The following TBC1D24 variants were observed in gnomAD, a reference collection of about 807,000 sequenced individuals.
TBC1D24 encodes Infantile myoclonic epilepsy.
In TBC1D24, 47 loss-of-function variants were observed where a neutral mutation model predicts 50.7. The observed-to-expected ratio is 0.93, with a 90% CI of 0.73 to 1.18. TBC1D24 has a LOEUF of 1.18. Ranked by LOEUF, TBC1D24 falls within the 50% of genes most tolerant of loss-of-function variation. The pLI is 0.00. For missense variants in TBC1D24, 688 were observed against 766.5 expected (o/e 0.90, Z 1.21); for synonymous variants, 324 against 335.2 (o/e 0.97, Z 0.36).
In TBC1D24 at chr16:2,486,332, C is replaced by T. The variant is rs575113931; in HGVS notation, c.-115-9702C>T. Among the ~76,000 whole-genome samples, 4 of 152,346 alleles carry T rather than the reference C, an allele frequency of 2.6e-5. No homozygotes were observed. In the South Asian group the frequency reaches 8.3e-4, roughly 32 times the overall value. On this transcript the variant is annotated intron_variant, in intron 1 of 7. Coordinates refer to ENST00000646147, the MANE Select transcript of TBC1D24 (RefSeq NM_001199107.2). The surrounding 1 kb of genome is among the most constrained non-coding windows in gnomAD (Gnocchi z 5.8). ...TTTCCTCTTCCTCTTCATTCCCGGT[C>T]CCACTCCCAGGAAATGGTGAGGGAT...
chr16:2,498,690 G>A (rs777886475), intron 4 of TBC1D24, among the ~76,000 whole-genome samples: 1 of 152,130 alleles, frequency 6.6e-6, no homozygotes, highest in Non-Finnish European at 1.5e-5. Flanking sequence ...CCATGTGGGC[G>A]GCAGGTCCTG....
intron 1 of TBC1D24, among the ~76,000 whole-genome samples, chr16:2,489,474 A>G (rs1287791030): frequency 6.6e-6 from 1 of 152,216 alleles, no homozygotes; most frequent in Non-Finnish European, 1.5e-5. Context: ...ACGAGCGAAC[A>G]AATGAATACA....
chr16:2,496,305 A>G lies in TBC1D24; in HGVS notation c.157A>G (p.Lys53Glu). The change falls in exon 2 of 8, where the codon AAG becomes GAG. Residue 53 changes from lysine (K) to glutamate (E), a missense_variant. Physicochemically the swap from Lys to Glu is moderately conservative, Grantham distance 56. Transcript: ENST00000646147. ...YWAQSHALRG[K>E]VYQRLIRDIP... ...GGCCCAAAGCCACGCCCTGCGGGGA[A>G]AGGTGTACCAGCGCCTGATCCGGGA... 6.2e-7 allele frequency: 1 copy of G among 1,613,680 alleles called. No homozygotes were observed. Among genetic ancestry groups the G allele is most frequent in the Non-Finnish European group, 8.5e-7 (1 of 1,180,028 alleles).
chr16:2,488,512 T>TA (rs2065668961), intron 1 of TBC1D24, among the ~76,000 whole-genome samples: 1 of 141,634 alleles, frequency 7.1e-6, no homozygotes, highest in East Asian at 2.0e-4. Context: ...TTTTTTTTTT[T>TA]TTTTTTTTTG....
chr16:2,497,560 C>T, intron 2 of TBC1D24, 150 bp from the exon 3 acceptor site: 1 of 771,914 alleles, frequency 1.3e-6, no homozygotes, highest in African/African-American at 1.7e-5. Context: ...GCAGCCAGCG[C>T]TGTGATGGTG....
At position 2,501,840 on chromosome 16, in the gene TBC1D24, G is replaced by C. The variant is rs2065796986; in HGVS notation, c.*882G>C. 6.6e-6 allele frequency: 1 copy of C among 152,416 alleles called. No homozygotes were observed. Among genetic ancestry groups the C allele is most frequent in the African/African-American group, 2.4e-5 (1 of 41,370 alleles). 9.4% of individuals were successfully genotyped at this position (152,416 alleles called of 1,614,324 possible). On this transcript the variant is annotated 3_prime_UTR_variant, in exon 8 of 8. Transcript: ENST00000646147. ...GTCTGCCCAGAGAAGCCTGGACCCA[G>C]GGGGCTTCTCAGCTCCCCTCCCTTC...
In TBC1D24 at chr16:2,495,894, C is replaced by A. The variant is rs147119415; in HGVS notation, c.-115-140C>A. 3.3e-3 allele frequency: 1,583 copies of A among 477,630 alleles called. 9 individuals carry two copies. The highest frequency in any genetic ancestry group is 0.017 in the African/African-American group (891 of 51,084). The allele number at this position is 477,630 out of a possible 1,614,324, so 29.6% of individuals were successfully genotyped here. A position where few individuals can be genotyped will look rare whatever the true frequency, so the allele number is the denominator to read the frequency against. ...GGCTGCAGAGAGCAGGGTCACGCCA[C>A]TGCACCGCACTCCAACCTGGGCAAC... On this transcript the variant is annotated intron_variant, in intron 1 of 7. Coordinates refer to ENST00000646147, the MANE Select transcript of TBC1D24 (RefSeq NM_001199107.2).
intron 1 of TBC1D24, among the ~76,000 whole-genome samples, chr16:2,492,457 G>A (rs1462478948): frequency 3.9e-5 from 6 of 152,166 alleles, no homozygotes; most frequent in South Asian, 4.1e-4. Flanking sequence ...GTGCTGCTCT[G>A]CCCAGCTCCT....
chr16:2,486,220 C>T lies in TBC1D24; in HGVS notation c.-115-9814C>T, dbSNP rs995843775. Among the ~76,000 whole-genome samples the T allele has an allele frequency of 3.3e-5, 5 of 152,208 alleles. No homozygotes were observed. The highest frequency in any genetic ancestry group is 5.9e-5 in the Non-Finnish European group (4 of 68,036). On this transcript the variant is annotated intron_variant, in intron 1 of 7. Transcript: ENST00000646147. The surrounding 1 kb of genome is among the most constrained non-coding windows in gnomAD (Gnocchi z 5.8). ...TGAGAGGAGCCTGCATCTCCTATCA[C>T]GTGAAGCCCGCAGGGGCCACAGCAC... is the stretch of plus-strand genomic sequence containing the variant.
intron 1 of TBC1D24, among the ~76,000 whole-genome samples, chr16:2,491,617 C>A (rs2065695796): frequency 6.7e-6 from 1 of 149,770 alleles, no homozygotes; most frequent in East Asian, 2.0e-4. Flanking sequence ...TGCAGTGGCT[C>A]CATCTTGGCT....
intron 4 of TBC1D24, among the ~76,000 whole-genome samples, chr16:2,498,713 C>T (rs1034013609): frequency 6.6e-6 from 1 of 152,240 alleles, no homozygotes; most frequent in African/African-American, 2.4e-5. Flanking sequence ...TGTGCTCGCT[C>T]CCCACCCTGT....
In TBC1D24 at chr16:2,501,805, A is replaced by T. The variant is rs1005500542; in HGVS notation, c.*847A>T. The T allele has an allele frequency of 2.6e-5, 4 of 152,724 alleles. No homozygotes were observed. The highest frequency in any genetic ancestry group is 9.7e-5 in the African/African-American group (4 of 41,306). 9.5% of individuals were successfully genotyped at this position (152,724 alleles called of 1,614,324 possible). A position where few individuals can be genotyped will look rare whatever the true frequency, so the allele number is the denominator to read the frequency against. On this transcript the variant is annotated 3_prime_UTR_variant, in exon 8 of 8. Transcript: ENST00000646147. The stretch of plus-strand genomic sequence containing the variant: ...GGACCGACCCAGACCAGCAAGCTCC[A>T]TTTCCAGGGGTCTGCCCAGAGAAGC...
rs1448334793 is a variant in TBC1D24 at position 2,504,818 on chromosome 16, C to T, written c.*3860C>T. 1 of 152,056 alleles carries T rather than the reference C, an allele frequency of 6.6e-6. No homozygotes were observed. Among genetic ancestry groups the T allele is most frequent in the Non-Finnish European group, 1.5e-5 (1 of 68,018 alleles). The allele number at this position is 152,056 out of a possible 1,614,324, so 9.4% of individuals were successfully genotyped here. ...ACTAAGTCCAGAATATCATCAAACT[C>T]ACAAAACCACTGGTCAAAAAAACCC... On this transcript the variant is annotated 3_prime_UTR_variant, in exon 8 of 8. Coordinates refer to ENST00000646147, the MANE Select transcript of TBC1D24 (RefSeq NM_001199107.2).
chr16:2,496,746 G>A lies in TBC1D24; in HGVS notation c.598G>A (p.Ala200Thr). 1 of 1,613,830 alleles carries A rather than the reference G, an allele frequency of 6.2e-7. No homozygotes were observed. Among genetic ancestry groups the A allele is most frequent in the Non-Finnish European group, 8.5e-7 (1 of 1,180,046 alleles). The change falls in exon 2 of 8, where the codon GCC becomes ACC. Residue 200 changes from alanine (A) to threonine (T), a missense_variant. Ala to Thr is a moderately conservative substitution (Grantham distance 58). Transcript: ENST00000646147. ...YCQAAHKLMV[A>T]VSEDVLQVYA... ...CCAGGCGGCCCACAAGCTGATGGTG[G>A]CCGTGTCGGAGGATGTCCTGCAGGT...
In TBC1D24 at chr16:2,495,187, T is replaced by C. The variant is rs553263692; in HGVS notation, c.-115-847T>C. On this transcript the variant is annotated intron_variant, in intron 1 of 7. Transcript: ENST00000646147. The stretch of plus-strand genomic sequence containing the variant: ...GGGTAACATGGCAAAATCTCGTCTC[T>C]ACTAAAAAGAGAAAAAATTAGCTGG... Among the ~76,000 whole-genome samples the C allele has an allele frequency of 7.9e-5, 12 of 152,220 alleles. No homozygotes were observed. In the East Asian group the frequency reaches 1.9e-3, roughly 25 times the overall value.
Position 2,501,145 on chromosome 16 carries a change from C to A in TBC1D24, c.*187C>A. On this transcript the variant is annotated 3_prime_UTR_variant, in exon 8 of 8. Coordinates refer to ENST00000646147, the MANE Select transcript of TBC1D24 (RefSeq NM_001199107.2). ...TCTACCTGGGGTTTGGGCTGGGCTT[C>A]CCCAGTCCACCTGCATCTGGGTCAG... 1.4e-6 allele frequency: 1 copy of A among 699,234 alleles called. No homozygotes were observed. Among genetic ancestry groups the A allele is most frequent in the Non-Finnish European group, 2.4e-6 (1 of 423,102 alleles). 43.3% of individuals were successfully genotyped at this position (699,234 alleles called of 1,614,324 possible). A position where few individuals can be genotyped will look rare whatever the true frequency, so the allele number is the denominator to read the frequency against.
rs1021773682 is a variant in TBC1D24, at chr16:2,501,065, G to C, written c.*107G>C. ...AAACCCCCATGTGGTAGGCAGGGTTGGGGGACGGCAGGACCCCATGGCCAA... is the reference window on the plus strand; with the variant it reads ...AAACCCCCATGTGGTAGGCAGGGTTCGGGGACGGCAGGACCCCATGGCCAA... On this transcript the variant is annotated 3_prime_UTR_variant, in exon 8 of 8. Transcript: ENST00000646147. The C allele has an allele frequency of 3.4e-6, 5 of 1,463,294 alleles. No homozygotes were observed. The highest frequency in any genetic ancestry group is 4.6e-6 in the Non-Finnish European group (5 of 1,077,880). 90.6% of individuals were successfully genotyped at this position (1,463,294 alleles called of 1,614,324 possible). A position where few individuals can be genotyped will look rare whatever the true frequency, so the allele number is the denominator to read the frequency against.
rs1292454711 is a variant in TBC1D24, at chr16:2,503,192, T to G, written c.*2234T>G. On this transcript the variant is annotated 3_prime_UTR_variant, in exon 8 of 8. Transcript: ENST00000646147. ...ACCAGGAAGACGGATTGCTGCTGGG[T>G]CATGATTTCCACATCATGAGCGAAG... 6.6e-6 allele frequency: 1 copy of G among 152,248 alleles called. No individual in the cohort carries two copies. The highest frequency in any genetic ancestry group is 1.9e-4 in the East Asian group (1 of 5,204). 9.4% of individuals were successfully genotyped at this position (152,248 alleles called of 1,614,324 possible). A position where few individuals can be genotyped will look rare whatever the true frequency, so the allele number is the denominator to read the frequency against.
chr16:2,477,187 A>G (rs1051087653), intron 1 of TBC1D24: 1 of 152,238 alleles, frequency 6.6e-6, no homozygotes, highest in Non-Finnish European at 1.5e-5. Flanking sequence ...TTGCCTTTCA[A>G]TTGGAGATAA....
Sources: gnomAD v4.1 joint callset for allele counts (sites outside exome capture counted in the v4.1 genomes callset) on GRCh38, gnomAD v4.1.1 for gene constraint, Gnocchi (gnomAD v3.1) non-coding constraint, MANE v1.5 for transcripts, NCBI Gene and HGNC (gene_info 2026-07-23, HGNC 2026-07-21) for gene names.